ZFHX3: variants seen among roughly 807,000 people sequenced by gnomAD.
ZFHX3 encodes zinc finger homeobox protein 3.
ZFHX3 carries 42 observed loss-of-function variants against 279.1 expected under a neutral mutation model. The observed-to-expected ratio is 0.15, with a 90% CI of 0.12 to 0.19. The LOEUF (loss-of-function observed/expected upper bound fraction) is 0.19, where lower values mean the gene tolerates loss of function less well. Among genes scored for constraint, ZFHX3 ranks in the 10% least tolerant of loss-of-function variants. ZFHX3 has a pLI of 1.00. For missense variants in ZFHX3, 4,981 were observed against 4,754.0 expected, an observed-to-expected ratio of 1.05 and a Z score of -1.40; for synonymous variants, 2,293 against 1,957.8, an observed-to-expected ratio of 1.17 and a Z score of -4.52.
chr16:73,341,018 G>A (rs903484486), intron 3 of ZFHX3, among the ~76,000 whole-genome samples: 2 of 152,156 alleles, frequency 1.3e-5, no homozygotes, highest in Admixed American at 6.5e-5. Flanking sequence ...ACCGGCCAAA[G>A]GCTAATTTCT....
intron 8 of ZFHX3, among the ~76,000 whole-genome samples, chr16:73,067,864 T>G (rs1965774824): frequency 6.6e-6 from 1 of 152,128 alleles, no homozygotes. Flanking sequence ...GGAGTCTCTA[T>G]TCCACGGACC....
intron 2 of ZFHX3, among the ~76,000 whole-genome samples, chr16:73,650,853 T>C (rs889193220): frequency 2.6e-5 from 4 of 152,022 alleles, no homozygotes; most frequent in Non-Finnish European, 4.4e-5. Context: ...GGACATTAAA[T>C]AGCTCAGAAT....
At position 73,422,419 on chromosome 16, in the gene ZFHX3, C is replaced by CA. The variant is rs557190227; in HGVS notation, c.-1291+33583dup. Among the ~76,000 whole-genome samples the CA allele has an allele frequency of 2.4e-4, 36 of 152,284 alleles. No homozygotes were observed. In the South Asian group the frequency reaches 7.3e-3, roughly 31 times the overall value. ...TTTAGTAATACCAATTCCCTGAAGTCAGGGGCCACCCTGTCTATCCATTTC... is the reference window on the plus strand; with the variant it reads ...TTTAGTAATACCAATTCCCTGAAGTCAAGGGGCCACCCTGTCTATCCATTTC... On this transcript the variant is annotated intron_variant, in intron 3 of 17. Coordinates refer to the ZFHX3 transcript ENST00000641206.
chr16:73,732,838 GCC>G (rs1298067462), intron 1 of ZFHX3, among the ~76,000 whole-genome samples: 1 of 152,180 alleles, frequency 6.6e-6, no homozygotes, highest in East Asian at 1.9e-4. Flanking sequence ...AGAAGTATTT[GCC>G]TTTGCTGGTT....
intron 5 of ZFHX3, among the ~76,000 whole-genome samples, chr16:72,820,300 T>C (rs1009561747): frequency 6.6e-6 from 1 of 152,210 alleles, no homozygotes; most frequent in Non-Finnish European, 1.5e-5. Flanking sequence ...GAGACATCAA[T>C]CTGTTGCACT....
chr16:73,836,798 A>G (rs1258853363), intron 1 of ZFHX3, among the ~76,000 whole-genome samples: 10 of 152,186 alleles, frequency 6.6e-5, no homozygotes, highest in Admixed American at 5.9e-4. Context: ...TTAGATGATT[A>G]GTTCGTTAAG....
At chr16:72,836,887 G>A (rs1303799010) in intron 4 of ZFHX3, among the ~76,000 whole-genome samples, 1 of 152,142 alleles carries the variant, frequency 6.6e-6, no homozygotes, top group Non-Finnish European at 1.5e-5. Flanking sequence ...GAGAAAGCAG[G>A]CAGGGGCTCT....
chr16:73,430,693 G>A (rs2017895110), intron 3 of ZFHX3, among the ~76,000 whole-genome samples: 1 of 152,210 alleles, frequency 6.6e-6, no homozygotes. Context: ...CTGAAATGGG[G>A]CAACAGTGCC....
intron 2 of ZFHX3, among the ~76,000 whole-genome samples, chr16:73,548,549 C>G (rs952024527): frequency 6.0e-5 from 9 of 151,196 alleles, no homozygotes; most frequent in Non-Finnish European, 1.2e-4. Flanking sequence ...GTTATTAATG[C>G]TCGTATACAA....
chr16:73,880,657 C>T (rs927329642), intron 1 of ZFHX3, among the ~76,000 whole-genome samples: 2 of 152,130 alleles, frequency 1.3e-5, no homozygotes, highest in Non-Finnish European at 1.5e-5. Flanking sequence ...AGTAAAATCT[C>T]TCAAGTCTCA....
intron 2 of ZFHX3, among the ~76,000 whole-genome samples, chr16:73,646,490 A>C (rs2052619398): frequency 6.6e-6 from 1 of 152,176 alleles, no homozygotes; most frequent in Non-Finnish European, 1.5e-5. Flanking sequence ...ACTCCAGAGA[A>C]AGCAGATTGA....
chr16:73,683,211 C>T (rs1016907786), intron 1 of ZFHX3, among the ~76,000 whole-genome samples: 3 of 152,134 alleles, frequency 2.0e-5, no homozygotes, highest in African/African-American at 7.2e-5. Flanking sequence ...GAATGTACAA[C>T]TACCACAAGT....
chr16:72,958,634 C>T lies in ZFHX3; in HGVS notation c.1512G>A (p.Glu504=), dbSNP rs1961385476. Residue 504 remains glutamate (E), a synonymous_variant, in exon 2 of 10, where the codon GAG becomes GAA. Coordinates refer to ENST00000268489, the MANE Select transcript of ZFHX3 (RefSeq NM_006885.4). ...CCCCAGGCTCCTCATGGGGCCTGTC[C>T]TCCAGTTCCTCATCCAACTCGCTTG... is the stretch of plus-strand genomic sequence containing the variant. ...LFPSELDEEL[E]DRPHEEPGAA... The T allele has an allele frequency of 6.2e-7, 1 of 1,613,942 alleles. No individual in the cohort carries two copies. Among genetic ancestry groups the T allele is most frequent in the Non-Finnish European group, 8.5e-7 (1 of 1,180,022 alleles).
chr16:72,861,734 G>T (rs932339721), intron 4 of ZFHX3, among the ~76,000 whole-genome samples: 1 of 152,178 alleles, frequency 6.6e-6, no homozygotes, highest in Non-Finnish European at 1.5e-5. Flanking sequence ...GATAGAACCC[G>T]CTGGGCATGG....
chr16:73,745,111 T>C (rs1426006658), intron 1 of ZFHX3, among the ~76,000 whole-genome samples: 1 of 152,194 alleles, frequency 6.6e-6, no homozygotes, highest in Non-Finnish European at 1.5e-5. Flanking sequence ...CCATACCACT[T>C]TTCTTTATAG....
At chr16:73,002,458 C>A (rs984868260) in intron 1 of ZFHX3, among the ~76,000 whole-genome samples, 2 of 152,162 alleles carry the variant, frequency 1.3e-5, no homozygotes, top group African/African-American at 2.4e-5. Flanking sequence ...CATATCACAA[C>A]TGCATACTGC....
At chr16:73,678,155 AT>A (rs2052973412) in intron 2 of ZFHX3, among the ~76,000 whole-genome samples, 1 of 152,192 alleles carries the variant, frequency 6.6e-6, no homozygotes. Flanking sequence ...AATTATTTAT[AT>A]TAGCAAAATC....
At chr16:73,048,848 G>C (rs1965395483), upstream of ZFHX3, among the ~76,000 whole-genome samples, 1 of 152,196 alleles carries the variant, frequency 6.6e-6, no homozygotes, top group South Asian at 2.1e-4. Flanking sequence ...GCCAGAGAAA[G>C]AGAAAAGGAG....
chr16:73,621,793 T>G (rs372451038), intron 2 of ZFHX3, among the ~76,000 whole-genome samples: 15 of 152,294 alleles, frequency 9.8e-5, no homozygotes, highest in East Asian at 9.7e-4. Flanking sequence ...AGATCTTCCA[T>G]TAAAAATGAA....
Sources: gnomAD v4.1 joint callset for allele counts (sites outside exome capture counted in the v4.1 genomes callset) on GRCh38, gnomAD v4.1.1 for gene constraint, MANE v1.5 for transcripts, NCBI Gene and HGNC (gene_info 2026-07-23, HGNC 2026-07-21) for gene names.